Variants in ARHGAP26 observed in about 807,000 individuals in gnomAD.
ARHGAP26 encodes Rho GTPase activating protein 26, also known as rho GTPase-activating protein 26.
A neutral mutation model predicts 104.8 loss-of-function variants in ARHGAP26; 38 were observed. The observed-to-expected ratio is 0.36, with a 90% CI of 0.28 to 0.48. The LOEUF (loss-of-function observed/expected upper bound fraction) is 0.48. ARHGAP26 is among the 20% of genes least tolerant of loss of function. ARHGAP26 has a pLI of 0.99. For missense variants in ARHGAP26, 704 were observed against 947.9 expected, an observed-to-expected ratio of 0.74 and a Z score of 3.38; for synonymous variants, 341 against 340.0, an observed-to-expected ratio of 1.00 and a Z score of -0.03.
chr5:142,832,413 A>G (rs1269824823), intron 1 of ARHGAP26, among the ~76,000 whole-genome samples: 1 of 152,210 alleles, frequency 6.6e-6, no homozygotes, highest in East Asian at 1.9e-4. Context: ...CACAAAGAAG[A>G]GGTCATGTGA....
intron 12 of ARHGAP26, among the ~76,000 whole-genome samples, chr5:143,032,726 A>G (rs1459286394): frequency 6.6e-6 from 1 of 152,206 alleles, no homozygotes; most frequent in Non-Finnish European, 1.5e-5. Context: ...CTATCACATT[A>G]TGGTACTTGG....
intron 11 of ARHGAP26, among the ~76,000 whole-genome samples, chr5:143,012,047 C>T (rs1598619921): frequency 6.6e-6 from 1 of 152,134 alleles, no homozygotes; most frequent in East Asian, 1.9e-4. Flanking sequence ...GATGAAGTTA[C>T]CAATGGGGAA....
At chr5:143,070,258 G>A (rs1026336635) in intron 17 of ARHGAP26, among the ~76,000 whole-genome samples, 1 of 152,170 alleles carries the variant, frequency 6.6e-6, no homozygotes. Context: ...TGCTTTGCAT[G>A]CTACCTAGTT....
intron 20 of ARHGAP26, among the ~76,000 whole-genome samples, chr5:143,158,744 C>G (rs1202765983): frequency 6.6e-6 from 1 of 152,164 alleles, no homozygotes. Flanking sequence ...GGTGATGGGG[C>G]TATTCCCTGG....
chr5:142,931,361 A>G (rs1598290575), intron 10 of ARHGAP26, among the ~76,000 whole-genome samples: 1 of 152,152 alleles, frequency 6.6e-6, no homozygotes, highest in South Asian at 2.1e-4. Flanking sequence ...TGGGAACTGA[A>G]CAAAACCCAT....
intron 10 of ARHGAP26, among the ~76,000 whole-genome samples, chr5:142,930,854 T>G (rs1205614093): frequency 6.6e-6 from 1 of 152,218 alleles, no homozygotes; most frequent in Non-Finnish European, 1.5e-5. Context: ...TTTAGCATAT[T>G]CATTGGAACT....
At chr5:143,173,093 G>C (rs1349216142) in intron 20 of ARHGAP26, 2 of 173,946 alleles carry the variant, frequency 1.1e-5, no homozygotes, top group Non-Finnish European at 2.5e-5. Flanking sequence ...GACAGAGACA[G>C]ACTCAGGATG....
At chr5:142,960,256 T>C (rs773250392) in intron 11 of ARHGAP26, among the ~76,000 whole-genome samples, 1 of 152,224 alleles carries the variant, frequency 6.6e-6, no homozygotes, top group East Asian at 1.9e-4. Context: ...TGAGCCTAAA[T>C]TGACAAAAGA....
chr5:143,172,170 C>G (rs1359396938), intron 20 of ARHGAP26, among the ~76,000 whole-genome samples: 1 of 152,124 alleles, frequency 6.6e-6, no homozygotes, highest in African/African-American at 2.4e-5. Context: ...TGTATGCTGA[C>G]AAATTCTGTA....
rs1193503545 is a variant in ARHGAP26 at position 142,885,150 on chromosome 5, G to A, written c.385-148G>A. The A allele has an allele frequency of 2.7e-5, 17 of 626,176 alleles. No individual in the cohort carries two copies. The East Asian group carries it at 5.1e-4, about 19-fold the overall frequency. 38.8% of individuals were successfully genotyped at this position (626,176 alleles called of 1,614,324 possible). On this transcript the variant is annotated intron_variant, in intron 4 of 22. Coordinates refer to ENST00000645722, the MANE Select transcript of ARHGAP26 (RefSeq NM_001135608.3). ...CTCAAACTCAGGGGGCTGTTGATGG[G>A]TGGCTGCAGGATTTAATGGGCATTA...
intron 20 of ARHGAP26, among the ~76,000 whole-genome samples, chr5:143,183,759 A>T (rs928094369): frequency 6.6e-6 from 1 of 152,194 alleles, no homozygotes; most frequent in South Asian, 2.1e-4. Context: ...TGTCTGATGT[A>T]GGTCTCTGAC....
At chr5:142,784,922 G>GT (rs1758244926) in intron 1 of ARHGAP26, among the ~76,000 whole-genome samples, 1 of 138,986 alleles carries the variant, frequency 7.2e-6, no homozygotes. Flanking sequence ...ACTTCCTTAG[G>GT]ATTTTTTTTT....
chr5:143,199,283 T>G (rs1025362184), intron 20 of ARHGAP26, among the ~76,000 whole-genome samples: 3 of 152,164 alleles, frequency 2.0e-5, no homozygotes, highest in Admixed American at 6.5e-5. Context: ...GGTTAGGACT[T>G]ATATAGGATT....
chr5:143,030,395 T>C (rs1781679481), intron 12 of ARHGAP26, among the ~76,000 whole-genome samples: 3 of 152,200 alleles, frequency 2.0e-5, no homozygotes, highest in African/African-American at 7.2e-5. Flanking sequence ...ATGGACAAAA[T>C]GCAGGAGGTC....
At chr5:143,031,553 T>G (rs1035200600) in intron 12 of ARHGAP26, among the ~76,000 whole-genome samples, 9 of 150,416 alleles carry the variant, frequency 6.0e-5, no homozygotes, top group African/African-American at 2.2e-4. Flanking sequence ...GTTATAATTT[T>G]CCGACCACCT....
chr5:143,109,580 G>T (rs1450030430), intron 17 of ARHGAP26, among the ~76,000 whole-genome samples: 1 of 151,776 alleles, frequency 6.6e-6, no homozygotes, highest in Non-Finnish European at 1.5e-5. Context: ...TCAGCTTCCC[G>T]AGTAGCTGGG....
chr5:142,989,714 A>G (rs577845911), intron 11 of ARHGAP26, among the ~76,000 whole-genome samples: 4 of 152,286 alleles, frequency 2.6e-5, no homozygotes, highest in African/African-American at 9.6e-5. Context: ...TTCACTTATG[A>G]AGCTTAGTTT....
chr5:142,890,193 T>G (rs1758449313), intron 5 of ARHGAP26, among the ~76,000 whole-genome samples: 1 of 122,678 alleles, frequency 8.2e-6, no homozygotes, highest in South Asian at 2.7e-4. Context: ...TATATATATA[T>G]ATATGAAAGT....
rs150702076 is a variant in ARHGAP26, at chr5:143,146,731, C to T, written c.1838-500C>T. The stretch of plus-strand genomic sequence containing the variant: ...ATTTAGACTGGTGGAGTCGTAAGGA[C>T]ATTGGTGGCTAAATAGTAGATCTTC... On this transcript the variant is annotated intron_variant, in intron 19 of 22. Transcript: ENST00000645722. Among the ~76,000 whole-genome samples the T allele has an allele frequency of 2.7e-4, 41 of 152,330 alleles. No homozygotes were observed. The East Asian group carries it at 7.9e-3, about 29-fold the overall frequency.
Sources: gnomAD v4.1 joint callset for allele counts (sites outside exome capture counted in the v4.1 genomes callset) on GRCh38, gnomAD v4.1.1 for gene constraint, MANE v1.5 for transcripts, NCBI Gene and HGNC (gene_info 2026-07-23, HGNC 2026-07-21) for gene names.